Variants in TENM3 observed in about 807,000 individuals in gnomAD.
The protein encoded by TENM3 is teneurin transmembrane protein 3.
In TENM3, 63 loss-of-function variants were observed where a neutral mutation model predicts 255.1. That is an observed-to-expected ratio of 0.25 (90% CI 0.20 to 0.30). The LOEUF is 0.30. TENM3 is among the 10% of genes least tolerant of loss of function. The pLI, the probability that TENM3 is intolerant of heterozygous loss-of-function variation, is 1.00. For synonymous variants in TENM3, 1,306 were observed against 1,322.3 expected, an observed-to-expected ratio of 0.99 and a Z score of 0.27; for missense variants, 2,929 against 3,461.1, an observed-to-expected ratio of 0.85 and a Z score of 3.86.
At chr4:181,972,254 TCTA>T in the TENM3 span, among the ~76,000 whole-genome samples, 30 of 151,750 alleles carry the variant, frequency 2.0e-4, no homozygotes, top group Non-Finnish European at 4.3e-4. Context: ...AAGCCCCGTC[TCTA>T]CAAATATAAA....
intron 3 of TENM3, among the ~76,000 whole-genome samples, chr4:182,363,717 T>C (rs1766200508): frequency 6.6e-6 from 1 of 152,158 alleles, no homozygotes; most frequent in South Asian, 2.1e-4. Context: ...GTGATAGTTA[T>C]TATTTGCATA....
the TENM3 span, among the ~76,000 whole-genome samples, chr4:182,006,685 G>T: frequency 1.3e-5 from 2 of 151,740 alleles, no homozygotes; most frequent in East Asian, 3.9e-4. Flanking sequence ...AACAGCTCCT[G>T]GATGCATTGA....
chr4:181,846,990 G>A, the TENM3 span, among the ~76,000 whole-genome samples: 1 of 152,214 alleles, frequency 6.6e-6, no homozygotes, highest in Non-Finnish European at 1.5e-5. Flanking sequence ...AATAGGAGCT[G>A]CTGTCCCATC....
intron 1 of TENM3, among the ~76,000 whole-genome samples, chr4:182,249,736 ATATTCTTAGTTAGTG>A (rs1757874537): frequency 6.6e-6 from 1 of 152,050 alleles, no homozygotes; most frequent in Non-Finnish European, 1.5e-5. Flanking sequence ...TTTTATATAA[ATATTCTTAGTTAGTG>A]GTTTTTATTT....
At chr4:182,775,952 T>C (rs1764653463) in intron 24 of TENM3, among the ~76,000 whole-genome samples, 1 of 148,294 alleles carries the variant, frequency 6.7e-6, no homozygotes, top group East Asian at 2.0e-4. Context: ...AGGAGATATG[T>C]AGATGATAGA....
the TENM3 span, among the ~76,000 whole-genome samples, chr4:181,907,391 A>T: frequency 6.6e-6 from 1 of 152,284 alleles, no homozygotes; most frequent in Non-Finnish European, 1.5e-5. Flanking sequence ...CTACCTCAAA[A>T]GAAACTGGAA....
intron 12 of TENM3, among the ~76,000 whole-genome samples, chr4:182,710,627 C>G (rs1233275764): frequency 2.0e-5 from 3 of 152,200 alleles, no homozygotes; most frequent in Non-Finnish European, 4.4e-5. Context: ...ACCACCACAC[C>G]TGAGTGGCCC....
At chr4:182,791,825 A>G (rs1414364878) in intron 25 of TENM3, among the ~76,000 whole-genome samples, 1 of 152,202 alleles carries the variant, frequency 6.6e-6, no homozygotes. Flanking sequence ...CTAGAAATTA[A>G]ACATGATTTG....
At chr4:182,327,475 A>G (rs1763486146) in intron 2 of TENM3, among the ~76,000 whole-genome samples, 1 of 151,436 alleles carries the variant, frequency 6.6e-6, no homozygotes, top group Non-Finnish European at 1.5e-5. Flanking sequence ...ATGTTTTTAT[A>G]TTTTTAATTG....
At chr4:182,763,915 A>T (rs760729033) in intron 22 of TENM3, among the ~76,000 whole-genome samples, 1 of 152,220 alleles carries the variant, frequency 6.6e-6, no homozygotes, top group Non-Finnish European at 1.5e-5. Flanking sequence ...TCCATATCCA[A>T]TGAAAGATTA....
intron 3 of TENM3, among the ~76,000 whole-genome samples, chr4:182,592,020 G>A (rs762994218): frequency 3.3e-5 from 5 of 151,716 alleles, no homozygotes; most frequent in South Asian, 4.1e-4. Context: ...ACTACTAAAT[G>A]TCTGCAATGT....
At chr4:181,617,267 A>G in the TENM3 span, among the ~76,000 whole-genome samples, 254 of 152,318 alleles carry the variant, frequency 1.7e-3, no homozygotes, top group African/African-American at 6.0e-3. Flanking sequence ...TCTGTGGGGA[A>G]AAAAATAGAG....
chr4:181,842,336 A>G, the TENM3 span, among the ~76,000 whole-genome samples: 1 of 152,096 alleles, frequency 6.6e-6, no homozygotes, highest in Non-Finnish European at 1.5e-5. Flanking sequence ...ATTGATATCT[A>G]TTTTACCCTA....
the TENM3 span, among the ~76,000 whole-genome samples, chr4:181,831,499 CAA>C: frequency 1.4e-4 from 20 of 144,322 alleles, no homozygotes; most frequent in African/African-American, 5.0e-4. Context: ...GCCTATGTGC[CAA>C]AAAAAAAAAA....
intron 3 of TENM3, among the ~76,000 whole-genome samples, chr4:182,470,379 A>G (rs1733003353): frequency 6.6e-6 from 1 of 152,248 alleles, no homozygotes; most frequent in South Asian, 2.1e-4. Flanking sequence ...CGTTTAACAT[A>G]TGAATGATAA....
the TENM3 span, among the ~76,000 whole-genome samples, chr4:181,496,128 T>C: frequency 6.6e-6 from 1 of 152,060 alleles, no homozygotes; most frequent in Non-Finnish European, 1.5e-5. Context: ...CACTTAGAGC[T>C]GTCACAGAAA....
chr4:182,525,547 G>T (rs573766674), intron 3 of TENM3, among the ~76,000 whole-genome samples: 1 of 152,354 alleles, frequency 6.6e-6, no homozygotes, highest in African/African-American at 2.4e-5. Context: ...CATTTCTGAT[G>T]AAGCAAAGCA....
At chr4:181,924,060 C>G in the TENM3 span, among the ~76,000 whole-genome samples, 1 of 152,258 alleles carries the variant, frequency 6.6e-6, no homozygotes, top group African/African-American at 2.4e-5. Context: ...CTGCTGTTTT[C>G]TGGGGCTATT....
chr4:182,415,110 T>C (rs1414621048), intron 3 of TENM3, among the ~76,000 whole-genome samples: 1 of 152,212 alleles, frequency 6.6e-6, no homozygotes, highest in Non-Finnish European at 1.5e-5. Context: ...AAGTCTATTT[T>C]TTTCCAGAAG....
Sources: allele counts gnomAD v4.1 joint callset (sites outside exome capture counted in the v4.1 genomes callset), GRCh38; gene constraint gnomAD v4.1.1; transcripts MANE v1.5; gene names NCBI Gene and HGNC (gene_info 2026-07-23, HGNC 2026-07-21).